B3GALT1: variants seen among roughly 807,000 people sequenced by gnomAD.
B3GALT1 encodes the protein beta-1,3-galactosyltransferase 1, also known as UDP-Gal:betaGlcNAc beta 1,3-galactosyltransferase, polypeptide 1.
B3GALT1 carries 10 observed loss-of-function variants against 23.2 expected under a neutral mutation model. That is an observed-to-expected ratio of 0.43 (90% CI 0.27 to 0.73). The LOEUF (loss-of-function observed/expected upper bound fraction) is 0.73, where lower values mean the gene tolerates loss of function less well. Ranked by LOEUF, B3GALT1 falls within the 30% of genes least tolerant of loss-of-function variation. B3GALT1 has a pLI of 0.21. For missense variants in B3GALT1, 299 were observed against 405.4 expected (o/e 0.74, Z 2.25); for synonymous variants, 156 against 141.5 (o/e 1.10, Z -0.73).
chr2:167,409,466 T>C (rs970528914), intron 1 of B3GALT1, among the ~76,000 whole-genome samples: 2 of 152,084 alleles, frequency 1.3e-5, no homozygotes, highest in Non-Finnish European at 2.9e-5. Context: ...TTCTTGTTTC[T>C]CTAATCTTGT....
At chr2:167,346,892 A>G (rs541517319) in intron 1 of B3GALT1, among the ~76,000 whole-genome samples, 41 of 152,244 alleles carry the variant, frequency 2.7e-4, no homozygotes, top group African/African-American at 9.4e-4. Context: ...GCTCAAAACT[A>G]TCGATCCGCT....
intron 3 of B3GALT1, among the ~76,000 whole-genome samples, chr2:167,802,525 A>G (rs185119256): frequency 6.6e-6 from 1 of 152,314 alleles, no homozygotes; most frequent in Admixed American, 6.5e-5. Flanking sequence ...TCCTCGCACA[A>G]TTTCACTTTT....
chr2:167,564,023 G>A (rs1418729039), intron 2 of B3GALT1, among the ~76,000 whole-genome samples: 30 of 147,786 alleles, frequency 2.0e-4, no homozygotes, highest in African/African-American at 3.2e-4. Flanking sequence ...CCTCCCTCCC[G>A]GACGAGGTGG....
At chr2:167,363,113 C>G (rs544393013) in intron 1 of B3GALT1, among the ~76,000 whole-genome samples, 3 of 151,408 alleles carry the variant, frequency 2.0e-5, no homozygotes, top group Non-Finnish European at 2.9e-5. Context: ...CCTCAGCCTC[C>G]CAAAGTGCTG....
chr2:167,447,712 A>G (rs1699022412), intron 1 of B3GALT1, among the ~76,000 whole-genome samples: 1 of 152,164 alleles, frequency 6.6e-6, no homozygotes, highest in African/African-American at 2.4e-5. Context: ...CCATTGGAAA[A>G]GCACAATATT....
At chr2:167,774,090 G>T (rs971513229) in intron 3 of B3GALT1, among the ~76,000 whole-genome samples, 4 of 152,124 alleles carry the variant, frequency 2.6e-5, no homozygotes, top group African/African-American at 9.7e-5. Context: ...TTCATAACCT[G>T]ATATTCACTT....
At chr2:167,804,737 T>A (rs1462929200) in intron 3 of B3GALT1, among the ~76,000 whole-genome samples, 1 of 152,228 alleles carries the variant, frequency 6.6e-6, no homozygotes, top group African/African-American at 2.4e-5. Context: ...TGTTGGACAT[T>A]TGGCTTGGTT....
At chr2:167,419,484 T>C (rs895616891) in intron 1 of B3GALT1, among the ~76,000 whole-genome samples, 9 of 152,192 alleles carry the variant, frequency 5.9e-5, no homozygotes, top group African/African-American at 2.2e-4. Flanking sequence ...ATATCCCCTG[T>C]CCATAAGCAC....
intron 3 of B3GALT1, among the ~76,000 whole-genome samples, chr2:167,800,370 C>T (rs971270018): frequency 1.3e-5 from 2 of 152,248 alleles, no homozygotes; most frequent in East Asian, 3.9e-4. Context: ...CACTTTCTTA[C>T]CATTAAGTAA....
chr2:167,794,853 G>T (rs1275492630), intron 3 of B3GALT1, among the ~76,000 whole-genome samples: 1 of 152,268 alleles, frequency 6.6e-6, no homozygotes, highest in South Asian at 2.1e-4. Context: ...AAATCTTGCT[G>T]CCTCCATGGA....
rs972150977 is a variant in B3GALT1 at position 167,810,434 on chromosome 2, G to A, written c.-351-8238G>A. ...GCCATCTTGGCTCCACCCTTTGTTT[G>A]TTTTTTCATTGAAAGAGAAAAGTGA... On this transcript the variant is annotated intron_variant, in intron 3 of 4. Transcript: ENST00000392690. Among the ~76,000 whole-genome samples the A allele has an allele frequency of 1.7e-4, 25 of 150,796 alleles. 3 individuals carry two copies. The highest frequency in any genetic ancestry group is 6.2e-4 in the African/African-American group (25 of 40,204).
intron 2 of B3GALT1, among the ~76,000 whole-genome samples, chr2:167,628,254 C>T (rs777713489): frequency 6.6e-6 from 1 of 151,546 alleles, no homozygotes; most frequent in Non-Finnish European, 1.5e-5. Flanking sequence ...AACTAAGACC[C>T]TTTATACATG....
intron 1 of B3GALT1, among the ~76,000 whole-genome samples, chr2:167,399,148 C>T (rs1261967348): frequency 3.9e-5 from 6 of 152,092 alleles, no homozygotes; most frequent in Non-Finnish European, 4.4e-5. Context: ...TCATTAGGTG[C>T]GTGATAGAAT....
chr2:167,855,550 GAAGT>G (rs1044669661), intron 4 of B3GALT1, among the ~76,000 whole-genome samples: 16 of 152,122 alleles, frequency 1.1e-4, no homozygotes, highest in African/African-American at 3.9e-4. Context: ...TACTTTAAAA[GAAGT>G]AATTACTAAA....
At chr2:167,477,618 A>G (rs1183924964) in intron 1 of B3GALT1, among the ~76,000 whole-genome samples, 3 of 152,218 alleles carry the variant, frequency 2.0e-5, no homozygotes, top group Non-Finnish European at 2.9e-5. Flanking sequence ...TATGGGCGCT[A>G]TAATGTCACT....
intron 4 of B3GALT1, among the ~76,000 whole-genome samples, chr2:167,834,345 G>T (rs1689414789): frequency 6.6e-6 from 1 of 152,150 alleles, no homozygotes; most frequent in African/African-American, 2.4e-5. Flanking sequence ...TAAAAAGCAA[G>T]CAGTGTCTGA....
rs1689206519 is a variant in B3GALT1 at position 167,825,670 on chromosome 2, AGTT to A, written c.-230+6881_-230+6883del. ...CCCTTTTCTCTGACCCACCCAGGGCAGTTGTTCAGAAAGCACACCACTCTTGAC... is the reference window on the plus strand; with the variant it reads ...CCCTTTTCTCTGACCCACCCAGGGCAGTTCAGAAAGCACACCACTCTTGAC... On this transcript the variant is annotated intron_variant, in intron 4 of 4. Transcript: ENST00000392690. Among the ~76,000 whole-genome samples the A allele has an allele frequency of 2.0e-5, 3 of 152,146 alleles. No homozygotes were observed. The South Asian group carries it at 6.2e-4, about 32-fold the overall frequency.
chr2:167,560,123 A>G (rs1401124427), intron 2 of B3GALT1, among the ~76,000 whole-genome samples: 3 of 152,238 alleles, frequency 2.0e-5, no homozygotes, highest in Non-Finnish European at 1.5e-5. Flanking sequence ...GAAACTCTAC[A>G]AGCCAGAAGA....
chr2:167,774,472 G>GTTTTTTTTGTTTGTTTTTTTTTTTT (rs1558974686), intron 3 of B3GALT1, among the ~76,000 whole-genome samples: 24 of 111,952 alleles, frequency 2.1e-4, no homozygotes, highest in Admixed American at 3.7e-4. Context: ...GTGTTTATTG[G>GTTTTTTTTGTTTGTTTTTTTTTTTT]TTTTTTTTTT....
Sources: gnomAD v4.1 joint callset for allele counts (sites outside exome capture counted in the v4.1 genomes callset) on GRCh38, gnomAD v4.1.1 for gene constraint, MANE v1.5 for transcripts, NCBI Gene and HGNC (gene_info 2026-07-23, HGNC 2026-07-21) for gene names.